CATSPERT: variants seen among roughly 807,000 people sequenced by gnomAD.
The protein encoded by CATSPERT is catsper channel auxiliary subunit tau.
chr2:201,563,684 C>T, the CATSPERT span, among the ~76,000 whole-genome samples: 2 of 152,262 alleles, frequency 1.3e-5, no homozygotes, highest in East Asian at 3.9e-4. Flanking sequence ...TATGTCTCTA[C>T]TCATTATACT....
chr2:201,558,711 A>G, the CATSPERT span, among the ~76,000 whole-genome samples: 1 of 152,180 alleles, frequency 6.6e-6, no homozygotes, highest in African/African-American at 2.4e-5. Context: ...TGGATTAGGA[A>G]CGCAAGGTAT....
At chr2:201,520,659 G>A in the CATSPERT span, among the ~76,000 whole-genome samples, 4 of 152,162 alleles carry the variant, frequency 2.6e-5, no homozygotes, top group African/African-American at 7.2e-5. Flanking sequence ...AGGCTGAGGC[G>A]GGTGGATCAT....
chr2:201,522,743 A>G, the CATSPERT span, among the ~76,000 whole-genome samples: 49 of 152,292 alleles, frequency 3.2e-4, no homozygotes, highest in African/African-American at 1.1e-3. Context: ...AGGTGCAGGA[A>G]AACTGCAGTG....
the CATSPERT span, chr2:201,550,824 G>A: frequency 6.6e-6 from 1 of 152,084 alleles, no homozygotes; most frequent in Non-Finnish European, 1.5e-5. Context: ...TCTAGGTATG[G>A]TTATCCCACT....
At chr2:201,535,932 T>C in the CATSPERT span, 2 of 1,569,006 alleles carry the variant, frequency 1.3e-6, no homozygotes, top group South Asian at 2.3e-5. Context: ...TTCAGCTAAG[T>C]TTAGATTGTT....
At chr2:201,545,869 T>C in the CATSPERT span, among the ~76,000 whole-genome samples, 1 of 152,026 alleles carries the variant, frequency 6.6e-6, no homozygotes, top group African/African-American at 2.4e-5. Context: ...TATCCAAGAA[T>C]GGATAGAGTA....
chr2:201,572,501 C>T, the CATSPERT span, among the ~76,000 whole-genome samples: 2 of 152,158 alleles, frequency 1.3e-5, no homozygotes, highest in Admixed American at 6.5e-5. Context: ...CTTTTCCATA[C>T]AATTCCTTTG....
chr2:201,496,635 G>A, the CATSPERT span, among the ~76,000 whole-genome samples: 4 of 152,108 alleles, frequency 2.6e-5, no homozygotes, highest in African/African-American at 9.7e-5. Context: ...GAGCCACCGC[G>A]CCCGGCCATA....
chr2:201,614,588 C>T, the CATSPERT span, among the ~76,000 whole-genome samples: 1 of 152,174 alleles, frequency 6.6e-6, no homozygotes, highest in Non-Finnish European at 1.5e-5. Flanking sequence ...ACAATCGGTA[C>T]CAGCCACTGC....
the CATSPERT span, chr2:201,535,473 A>G: frequency 2.1e-6 from 2 of 930,594 alleles, no homozygotes; most frequent in Non-Finnish European, 2.6e-6. Flanking sequence ...ATTATTTGTA[A>G]TAAGGAGAAC....
the CATSPERT span, among the ~76,000 whole-genome samples, chr2:201,501,052 A>G: frequency 6.6e-6 from 1 of 152,142 alleles, no homozygotes; most frequent in Non-Finnish European, 1.5e-5. Flanking sequence ...GGACACAGAA[A>G]AATCGATGCT....
At chr2:201,557,825 C>G in the CATSPERT span, 1 of 152,208 alleles carries the variant, frequency 6.6e-6, no homozygotes, top group South Asian at 2.1e-4. Flanking sequence ...TCAACCACAT[C>G]TAGCATTTCT....
the CATSPERT span, among the ~76,000 whole-genome samples, chr2:201,609,504 A>G: frequency 6.6e-6 from 1 of 152,226 alleles, no homozygotes; most frequent in Admixed American, 6.5e-5. Flanking sequence ...CTGAGACCAC[A>G]ATGGAATAAA....
At chr2:201,579,407 ATTTTTTGTGGGTGT>A in the CATSPERT span, among the ~76,000 whole-genome samples, 1 of 151,704 alleles carries the variant, frequency 6.6e-6, no homozygotes, top group Non-Finnish European at 1.5e-5. Flanking sequence ...TGCCTGGCTA[ATTTTTTGTGGGTGT>A]TTTTTTGTGG....
the CATSPERT span, chr2:201,491,250 G>A: frequency 6.5e-7 from 1 of 1,537,920 alleles, no homozygotes; most frequent in Non-Finnish European, 8.7e-7. Context: ...TGGGCAGTGT[G>A]GTTGGTAGTA....
the CATSPERT span, among the ~76,000 whole-genome samples, chr2:201,586,161 A>G: frequency 2.6e-5 from 4 of 152,218 alleles, no homozygotes; most frequent in Non-Finnish European, 5.9e-5. Flanking sequence ...TACAGTATAT[A>G]ATACATAACA....
the CATSPERT span, chr2:201,534,581 A>G: frequency 6.1e-6 from 6 of 983,548 alleles, no homozygotes; most frequent in Middle Eastern, 5.2e-4. Flanking sequence ...TGATCTGTCT[A>G]CTCATAGCAG....
At chr2:201,582,115 G>T in the CATSPERT span, 1 of 1,604,598 alleles carries the variant, frequency 6.2e-7, no homozygotes. Context: ...TCATAAAGAT[G>T]TATCTGAACA....
the CATSPERT span, among the ~76,000 whole-genome samples, chr2:201,614,567 C>T: frequency 6.6e-5 from 10 of 152,132 alleles, no homozygotes; most frequent in Non-Finnish European, 1.2e-4. Flanking sequence ...AAGCACTAAA[C>T]GTGGAAAGGA....
Sources: allele counts gnomAD v4.1 joint callset (sites outside exome capture counted in the v4.1 genomes callset), GRCh38; gene constraint gnomAD v4.1.1; transcripts MANE v1.5; gene names NCBI Gene and HGNC (gene_info 2026-07-23, HGNC 2026-07-21).